Variants in TESK2 observed in about 807,000 individuals in gnomAD.
TESK2 encodes testis associated actin remodelling kinase 2, also known as dual specificity testis-specific protein kinase 2.
Under a neutral mutation model 57.1 loss-of-function variants are expected in TESK2, and 39 were observed. The observed-to-expected ratio is 0.68, with a 90% CI of 0.53 to 0.89. The LOEUF is 0.89. TESK2 is among the 40% of genes least tolerant of loss of function. The pLI, the probability that TESK2 is intolerant of heterozygous loss-of-function variation, is 0.00. For missense variants in TESK2, 646 were observed against 732.1 expected (o/e 0.88, Z 1.36); for synonymous variants, 249 against 267.9 (o/e 0.93, Z 0.69).
intron 3 of TESK2, among the ~76,000 whole-genome samples, chr1:45,389,108 G>C (rs2149275996): frequency 6.6e-6 from 1 of 152,214 alleles, no homozygotes; most frequent in South Asian, 2.1e-4. Flanking sequence ...GAATGAGTCT[G>C]GTAGCTTTCT....
chr1:45,365,715 G>C (rs1309664265), intron 4 of TESK2, among the ~76,000 whole-genome samples: 1 of 126,548 alleles, frequency 7.9e-6, no homozygotes, highest in Admixed American at 9.8e-5. Context: ...GTCTCACTCT[G>C]TTGCCCAGGC....
chr1:45,356,618 TAAAA>T (rs57535694), intron 4 of TESK2, among the ~76,000 whole-genome samples: 1 of 129,762 alleles, frequency 7.7e-6, no homozygotes. Flanking sequence ...GACCCTGTCT[TAAAA>T]AAAAAAAAAA....
chr1:45,385,634 G>A (rs1352556714), intron 4 of TESK2, among the ~76,000 whole-genome samples: 1 of 150,550 alleles, frequency 6.6e-6, no homozygotes, highest in East Asian at 1.9e-4. Flanking sequence ...GTATTATGAG[G>A]GAATAGAAGG....
At chr1:45,452,631 G>T (rs1651914337) in intron 2 of TESK2, among the ~76,000 whole-genome samples, 1 of 152,082 alleles carries the variant, frequency 6.6e-6, no homozygotes, top group African/African-American at 2.4e-5. Flanking sequence ...GAAAAAGCCT[G>T]GGCACGGTGG....
chr1:45,482,453 G>A (rs1653266676), intron 1 of TESK2, among the ~76,000 whole-genome samples: 1 of 151,956 alleles, frequency 6.6e-6, no homozygotes, highest in African/African-American at 2.4e-5. Context: ...GCTTGAGCCT[G>A]GGAGGTCGAG....
intron 4 of TESK2, among the ~76,000 whole-genome samples, chr1:45,361,796 A>T (rs1647698637): frequency 6.6e-6 from 1 of 152,164 alleles, no homozygotes; most frequent in Non-Finnish European, 1.5e-5. Flanking sequence ...TTCTACAAAC[A>T]TTTATTGAGC....
At chr1:45,355,594 G>A (rs1647386916) in intron 4 of TESK2, 145 bp from the exon 5 acceptor site, 1 of 811,314 alleles carries the variant, frequency 1.2e-6, no homozygotes, top group East Asian at 2.7e-5. Flanking sequence ...CAAGCACTAT[G>A]GTAGGTGCTG....
rs1405299973 is a variant in TESK2 at position 45,433,847 on chromosome 1, T to C, written c.223-12001A>G. Among the ~76,000 whole-genome samples the C allele has an allele frequency of 4.6e-5, 7 of 152,234 alleles. No individual in the cohort carries two copies. In the East Asian group the frequency reaches 1.2e-3, roughly 25 times the overall value. ...TATGGTAGTTCTATTTTTTACTTTT[T>C]TGAGACATCTCCATACTGTTTTCCA... On this transcript the variant is annotated intron_variant, in intron 2 of 10. Transcript: ENST00000372086.
At chr1:45,422,250 G>A (rs961976963) in intron 2 of TESK2, among the ~76,000 whole-genome samples, 1 of 152,140 alleles carries the variant, frequency 6.6e-6, no homozygotes, top group African/African-American at 2.4e-5. Context: ...CACAGAGAGG[G>A]AAACAACACG....
intron 4 of TESK2, among the ~76,000 whole-genome samples, chr1:45,375,456 A>G (rs1188294574): frequency 1.6e-5 from 2 of 124,732 alleles, no homozygotes; most frequent in Non-Finnish European, 3.3e-5. Context: ...CACTGCACCC[A>G]GCCCACCTTC....
intron 1 of TESK2, among the ~76,000 whole-genome samples, chr1:45,486,330 G>C (rs1233868631): frequency 6.6e-6 from 1 of 152,128 alleles, no homozygotes; most frequent in African/African-American, 2.4e-5. Context: ...AAAATGAAAT[G>C]TATGACACTA....
rs753124933 is a variant in TESK2, at chr1:45,457,642, A to C, written c.144T>G (p.Ser48Arg). 1.9e-6 allele frequency: 3 copies of C among 1,614,124 alleles called. No individual in the cohort carries two copies. Among genetic ancestry groups the C allele is most frequent in the East Asian group, 4.5e-5 (2 of 44,874 alleles). Residue 48 changes from serine (S) to arginine (R), a missense_variant, in exon 2 of 11, where the codon AGT becomes AGG. Transcript: ENST00000372086. Reference protein sequence around the residue: ...VWPSSYRALISAFSRLTRLDD... With the variant: ...VWPSSYRALIRAFSRLTRLDD... ...CCAAACGCGTCAGTCTGGAAAAGGC[A>C]CTTATAAGAGCTCGATACGAAGATG...
chr1:45,357,323 T>G (rs1290292223), intron 4 of TESK2, among the ~76,000 whole-genome samples: 1 of 151,942 alleles, frequency 6.6e-6, no homozygotes, highest in African/African-American at 2.4e-5. Flanking sequence ...AGGAAATGAC[T>G]GACAGTATCA....
chr1:45,373,157 AG>A (rs1557547514), intron 4 of TESK2, among the ~76,000 whole-genome samples: 2 of 152,338 alleles, frequency 1.3e-5, no homozygotes, highest in East Asian at 3.9e-4. Flanking sequence ...CAACAAAAAA[AG>A]ATTTGTATTT....
chr1:45,460,947 G>A (rs1050686969), intron 1 of TESK2, among the ~76,000 whole-genome samples: 3 of 152,102 alleles, frequency 2.0e-5, no homozygotes, highest in Non-Finnish European at 2.9e-5. Flanking sequence ...CAAGGGTAGT[G>A]TATTTCTCAA....
intron 3 of TESK2, among the ~76,000 whole-genome samples, chr1:45,397,817 A>G (rs1201505814): frequency 1.3e-5 from 2 of 152,184 alleles, no homozygotes; most frequent in South Asian, 2.1e-4. Context: ...ACTTGGCTCA[A>G]GAACACCTCC....
intron 5 of TESK2, among the ~76,000 whole-genome samples, chr1:45,353,297 G>A (rs1174707787): frequency 6.6e-6 from 1 of 152,170 alleles, no homozygotes; most frequent in East Asian, 1.9e-4. Context: ...CTGCCTAACT[G>A]TCCAGTTCTT....
chr1:45,382,249 T>A (rs990364698), intron 4 of TESK2, among the ~76,000 whole-genome samples: 4 of 152,252 alleles, frequency 2.6e-5, no homozygotes, highest in African/African-American at 9.6e-5. Flanking sequence ...TTTCACTATA[T>A]ATTTTTTGAA....
In TESK2 at chr1:45,355,298, C is replaced by T; in HGVS notation, c.540+5G>A. 1 of 1,613,840 alleles carries T rather than the reference C, an allele frequency of 6.2e-7. No individual in the cohort carries two copies. Among genetic ancestry groups the T allele is most frequent in the Non-Finnish European group, 8.5e-7 (1 of 1,179,930 alleles). On this transcript the variant is annotated splice_donor_5th_base_variant and intron_variant, in intron 5 of 10. Transcript: ENST00000372086. The stretch of plus-strand genomic sequence containing the variant: ...CAATGAGTTGTGAGAGTAAAGCCTT[C>T]ATACCTTAGATGTGAGGTCCCGATG...
Sources: gnomAD v4.1 joint callset for allele counts (sites outside exome capture counted in the v4.1 genomes callset) on GRCh38, gnomAD v4.1.1 for gene constraint, MANE v1.5 for transcripts, NCBI Gene and HGNC (gene_info 2026-07-23, HGNC 2026-07-21) for gene names.